CLVS1: variants seen among roughly 807,000 people sequenced by gnomAD.
CLVS1 encodes clavesin-1.
Under a neutral mutation model 33.1 loss-of-function variants are expected in CLVS1, and 10 were observed. The observed-to-expected ratio is 0.30, with a 90% CI of 0.19 to 0.51. The LOEUF (loss-of-function observed/expected upper bound fraction) is 0.51, where lower values mean the gene tolerates loss of function less well. Among genes scored for constraint, CLVS1 ranks in the 20% least tolerant of loss-of-function variants. The pLI is 0.97. For missense variants in CLVS1, 343 were observed against 433.4 expected (o/e 0.79, Z 1.85); for synonymous variants, 163 against 166.1 (o/e 0.98, Z 0.14).
intron 2 of CLVS1, among the ~76,000 whole-genome samples, chr8:61,162,192 C>G (rs1021515514): frequency 6.6e-6 from 1 of 152,134 alleles, no homozygotes; most frequent in Non-Finnish European, 1.5e-5. Context: ...GCCTATATTC[C>G]CCTCATTTTC....
intron 2 of CLVS1, among the ~76,000 whole-genome samples, chr8:61,239,816 C>A (rs922006557): frequency 6.6e-6 from 1 of 152,154 alleles, no homozygotes; most frequent in Non-Finnish European, 1.5e-5. Context: ...TAAGCTTTCA[C>A]GCAATATGTA....
At chr8:61,167,332 C>T (rs1190639763) in intron 2 of CLVS1, among the ~76,000 whole-genome samples, 1 of 151,952 alleles carries the variant, frequency 6.6e-6, no homozygotes, top group Non-Finnish European at 1.5e-5. Context: ...GTAGGTGCCA[C>T]CAGGCTCGGA....
intron 2 of CLVS1, among the ~76,000 whole-genome samples, chr8:61,157,846 A>T (rs1175396116): frequency 6.6e-6 from 1 of 152,152 alleles, no homozygotes; most frequent in Non-Finnish European, 1.5e-5. Flanking sequence ...GCAACTACAC[A>T]CCCACTATAA....
intron 2 of CLVS1, among the ~76,000 whole-genome samples, chr8:61,214,748 G>T (rs1043885710): frequency 3.9e-5 from 6 of 152,188 alleles, no homozygotes; most frequent in African/African-American, 1.4e-4. Context: ...GATGCCTGGG[G>T]TAACTTTATG....
At chr8:61,157,608 G>A (rs1365412507) in intron 2 of CLVS1, among the ~76,000 whole-genome samples, 7 of 151,610 alleles carry the variant, frequency 4.6e-5, no homozygotes, top group Admixed American at 6.6e-5. Flanking sequence ...TCAAGAAATT[G>A]ATAGTCAATT....
At chr8:60,984,272 CAA>C in the CLVS1 span, among the ~76,000 whole-genome samples, 2 of 152,024 alleles carry the variant, frequency 1.3e-5, no homozygotes, top group South Asian at 2.1e-4. Context: ...TCCTCACTTA[CAA>C]AGAGTCAAAA....
intron 2 of CLVS1, among the ~76,000 whole-genome samples, chr8:61,248,025 C>T (rs1293445976): frequency 6.6e-6 from 1 of 152,150 alleles, no homozygotes; most frequent in African/African-American, 2.4e-5. Context: ...ATCCCAGTCC[C>T]ATTTATTTAA....
At chr8:61,352,911 G>A (rs1210096833) in intron 2 of CLVS1, among the ~76,000 whole-genome samples, 1 of 151,970 alleles carries the variant, frequency 6.6e-6, no homozygotes. Flanking sequence ...ATATAAGAAA[G>A]TAGGTTATAT....
chr8:61,472,805 G>A (rs1817776714), intron 5 of CLVS1, among the ~76,000 whole-genome samples: 1 of 152,014 alleles, frequency 6.6e-6, no homozygotes, highest in Non-Finnish European at 1.5e-5. Context: ...CCTCTCTGTG[G>A]CCTACTTTTC....
At chr8:60,997,487 G>T in the CLVS1 span, among the ~76,000 whole-genome samples, 1 of 152,160 alleles carries the variant, frequency 6.6e-6, no homozygotes, top group South Asian at 2.1e-4. Context: ...TTATAGATCA[G>T]ATACAAATCA....
intron 2 of CLVS1, among the ~76,000 whole-genome samples, chr8:61,209,863 A>T (rs1227226873): frequency 1.3e-5 from 2 of 152,162 alleles, no homozygotes; most frequent in Non-Finnish European, 2.9e-5. Flanking sequence ...TGGGGGAGTA[A>T]CTCATAACTT....
intron 2 of CLVS1, among the ~76,000 whole-genome samples, chr8:61,221,333 A>C (rs2978541): frequency 0.63 from 96,391 of 151,990 alleles, 33,051 homozygotes; most frequent in East Asian, 0.97. Context: ...TCATAAATAG[A>C]TCCTATTATT....
chr8:61,333,002 C>T lies in CLVS1; in HGVS notation c.455+32720C>T, dbSNP rs187641854. ...ATCTCTACCAACCTTTATTTAGTTT[C>T]GTTCATATGTTTTGTTTCCATTTTC... On this transcript the variant is annotated intron_variant, in intron 2 of 5. Coordinates refer to ENST00000325897, the MANE Select transcript of CLVS1 (RefSeq NM_173519.3). Among the ~76,000 whole-genome samples, 370 of 152,286 alleles carry T rather than the reference C, an allele frequency of 2.4e-3. 6 individuals are homozygous for T. Among genetic ancestry groups the T allele is most frequent in the African/African-American group, 8.1e-3 (336 of 41,566 alleles).
chr8:61,427,242 C>G (rs1350942631), intron 3 of CLVS1, among the ~76,000 whole-genome samples: 1 of 152,148 alleles, frequency 6.6e-6, no homozygotes, highest in African/African-American at 2.4e-5. Context: ...TACTCTGCAG[C>G]CTATCACTCT....
the CLVS1 span, among the ~76,000 whole-genome samples, chr8:61,008,627 C>G: frequency 0.12 from 17,652 of 152,094 alleles, 1,545 homozygotes; most frequent in East Asian, 0.41. Context: ...GCCACCACAG[C>G]AGGCGGGCAT....
At chr8:61,161,639 G>A (rs564591116) in intron 2 of CLVS1, among the ~76,000 whole-genome samples, 84 of 152,306 alleles carry the variant, frequency 5.5e-4, no homozygotes, top group Non-Finnish European at 1.0e-3. Context: ...ATTTCACAGG[G>A]CTGGGGTTAG....
intron 1 of CLVS1, among the ~76,000 whole-genome samples, chr8:61,090,409 C>A (rs564519964): frequency 6.6e-6 from 1 of 152,238 alleles, no homozygotes; most frequent in South Asian, 2.1e-4. Flanking sequence ...GAAGCACAGC[C>A]TGCTTGCACT....
intron 2 of CLVS1, among the ~76,000 whole-genome samples, chr8:61,132,507 A>T (rs1806119547): frequency 6.6e-6 from 1 of 152,246 alleles, no homozygotes; most frequent in Admixed American, 6.5e-5. Flanking sequence ...GGTCTGTCAG[A>T]TACCTGCCCC....
the CLVS1 span, among the ~76,000 whole-genome samples, chr8:61,000,573 A>AT: frequency 1.3e-5 from 2 of 152,178 alleles, no homozygotes; most frequent in African/African-American, 4.8e-5. Context: ...GGCTTTATAG[A>AT]TTTTCTAATA....
Sources: gnomAD v4.1 joint callset for allele counts (sites outside exome capture counted in the v4.1 genomes callset) on GRCh38, gnomAD v4.1.1 for gene constraint, MANE v1.5 for transcripts, NCBI Gene and HGNC (gene_info 2026-07-23, HGNC 2026-07-21) for gene names.